The following KRT86 variants were observed in gnomAD, a reference collection of about 807,000 sequenced individuals.
KRT86 encodes keratin, type II cuticular Hb6.
A neutral mutation model predicts 41.2 loss-of-function variants in KRT86; 30 were observed. The observed-to-expected ratio is 0.73, with a 90% CI of 0.54 to 0.99. The LOEUF (loss-of-function observed/expected upper bound fraction) is 0.99, where lower values mean the gene tolerates loss of function less well. Ranked by LOEUF, KRT86 falls within the 50% of genes least tolerant of loss-of-function variation. KRT86 has a pLI of 0.00. For missense variants in KRT86, 561 were observed against 571.4 expected (o/e 0.98, Z 0.19); for synonymous variants, 238 against 238.1 (o/e 1.00, Z 0.00).
At chr12:52,299,420 T>A (rs532824453) in intron 2 of KRT86, among the ~76,000 whole-genome samples, 13 of 152,320 alleles carry the variant, frequency 8.5e-5, no homozygotes, top group African/African-American at 3.1e-4. Flanking sequence ...AGTGCAGACA[T>A]CTCTTTGATA....
At chr12:52,308,361 C>T in intron 10 of KRT86, 43 bp from the exon 11 acceptor site, 1 of 1,611,552 alleles carries the variant, frequency 6.2e-7, no homozygotes, top group East Asian at 2.2e-5. Context: ...TCACCCAGGT[C>T]GCGGCTGCGC....
rs773093741 is a variant in KRT86 at position 52,302,064 on chromosome 12, G to T, written c.148G>T (p.Val50Leu). 1 of 1,603,938 alleles carries T rather than the reference G, an allele frequency of 6.2e-7. No individual in the cohort carries two copies. Among genetic ancestry groups the T allele is most frequent in the East Asian group, 2.2e-5 (1 of 44,494 alleles). ...CACCGGGGGCTTCGGCAGCCACAGCGTGTGCGGAGGCTTTCGGGCCGGCTC... is the reference window on the plus strand; with the variant it reads ...CACCGGGGGCTTCGGCAGCCACAGCTTGTGCGGAGGCTTTCGGGCCGGCTC... ...GLTGGFGSHS[V>L]CGGFRAGSCG... is the part of the protein sequence containing the mutation. The change falls in exon 3 of 11, where the codon GTG (valine) becomes TTG (leucine). Residue 50 changes from valine (V) to leucine (L), a missense_variant. Physicochemically the swap from Val to Leu is conservative, Grantham distance 32 (BLOSUM62 1). This residue lies in a region of KRT86 where 164 missense variants were observed against 172.5 expected (regional missense o/e 0.95). Transcript: ENST00000423955.
chr12:52,277,020 C>A (rs1043618700), intron 2 of KRT86, among the ~76,000 whole-genome samples: 2 of 152,164 alleles, frequency 1.3e-5, no homozygotes, highest in Non-Finnish European at 2.9e-5. Flanking sequence ...CCATCATGGT[C>A]AGGGTCCCAC....
intron 2 of KRT86, among the ~76,000 whole-genome samples, chr12:52,299,559 C>T (rs1432263908): frequency 6.6e-6 from 1 of 152,220 alleles, no homozygotes. Flanking sequence ...TTACATCCCA[C>T]TAGCAGTGTA....
intron 2 of KRT86, among the ~76,000 whole-genome samples, chr12:52,293,772 G>A (rs1938189428): frequency 6.6e-6 from 1 of 152,108 alleles, no homozygotes; most frequent in Non-Finnish European, 1.5e-5. Flanking sequence ...AATAGAGCAG[G>A]TCCTAGAAAA....
intron 2 of KRT86, chr12:52,286,379 G>A (rs1160107058): frequency 1.9e-6 from 3 of 1,555,422 alleles, no homozygotes; most frequent in Non-Finnish European, 2.6e-6. Flanking sequence ...ACACAGGCCG[G>A]TGCTCACCGC....
chr12:52,308,381 G>T, intron 10 of KRT86, 23 bp from the exon 11 acceptor site: 2 of 1,610,978 alleles, frequency 1.2e-6, no homozygotes, highest in South Asian at 1.1e-5. Context: ...CCTGACGCGC[G>T]CCTCCGTCTC....
intron 2 of KRT86, 198 bp from the exon 3 acceptor site, chr12:52,301,715 T>G (rs1938380716): frequency 1.0e-6 from 1 of 972,302 alleles, no homozygotes; most frequent in East Asian, 2.6e-5. Flanking sequence ...ACCAATTAAG[T>G]ACATTAAGTG....
At chr12:52,301,763 C>A in intron 2 of KRT86, 150 bp from the exon 3 acceptor site, 1 of 1,504,058 alleles carries the variant, frequency 6.6e-7, no homozygotes, top group South Asian at 1.2e-5. Flanking sequence ...GCCCATAAAG[C>A]CTTCTAATTG....
At chr12:52,293,802 A>T (rs1257589032) in intron 2 of KRT86, among the ~76,000 whole-genome samples, 2 of 152,112 alleles carry the variant, frequency 1.3e-5, no homozygotes, top group Non-Finnish European at 1.5e-5. Flanking sequence ...TAAAGTACAG[A>T]GGTTTGCATT....
intron 2 of KRT86, among the ~76,000 whole-genome samples, chr12:52,292,380 T>C (rs1311813595): frequency 1.3e-5 from 2 of 152,236 alleles, no homozygotes; most frequent in Non-Finnish European, 2.9e-5. Context: ...TCATCTCAGA[T>C]TCAATTTTCC....
At position 52,308,081 on chromosome 12, in the gene KRT86, C is replaced by T. The variant is rs113195033; in HGVS notation, c.1248-152C>T. On this transcript the variant is annotated intron_variant, in intron 9 of 10. Transcript: ENST00000423955. ...CTGTCTCCAGACCCTCACGGTGACCCGAGTCTACACTGGCTCCTGGCCGAG... is the reference window on the plus strand; with the variant it reads ...CTGTCTCCAGACCCTCACGGTGACCTGAGTCTACACTGGCTCCTGGCCGAG... 20,575 of 924,400 alleles carry T rather than the reference C, an allele frequency of 0.022. 293 individuals are homozygous for T. The highest frequency in any genetic ancestry group is 0.032 in the Middle Eastern group (97 of 3,068). The allele number at this position is 924,400 out of a possible 1,614,324, so 57.3% of individuals were successfully genotyped here.
intron 2 of KRT86, among the ~76,000 whole-genome samples, chr12:52,296,896 C>T (rs1267510555): frequency 3.3e-5 from 5 of 152,256 alleles, no homozygotes; most frequent in African/African-American, 1.2e-4. Context: ...GTAGAGCCTA[C>T]AGGCTGCCTT....
intron 2 of KRT86, among the ~76,000 whole-genome samples, chr12:52,285,262 C>A (rs1293574606): frequency 6.6e-6 from 1 of 152,050 alleles, no homozygotes; most frequent in Non-Finnish European, 1.5e-5. Flanking sequence ...GAGTCCGTGT[C>A]CCCCCTCTAT....
chr12:52,281,869 G>T (rs1468313526), intron 2 of KRT86, among the ~76,000 whole-genome samples: 1 of 152,102 alleles, frequency 6.6e-6, no homozygotes, highest in Admixed American at 6.5e-5. Context: ...CTCCTCAGTA[G>T]CTGGGACTAC....
At chr12:52,288,775 C>A (rs1401780193) in intron 2 of KRT86, among the ~76,000 whole-genome samples, 2 of 152,096 alleles carry the variant, frequency 1.3e-5, no homozygotes, top group East Asian at 3.9e-4. Context: ...TTTCCTGTCC[C>A]CCACAAGTGC....
At chr12:52,274,802 C>A in intron 1 of KRT86, 80 bp downstream of exon 1, 1 of 909,932 alleles carries the variant, frequency 1.1e-6, no homozygotes, top group Non-Finnish European at 1.3e-6. Flanking sequence ...GGGCATACAG[C>A]TTTTGGGAAC....
At chr12:52,282,897 T>C (rs1937809263) in intron 2 of KRT86, among the ~76,000 whole-genome samples, 1 of 152,104 alleles carries the variant, frequency 6.6e-6, no homozygotes, top group Non-Finnish European at 1.5e-5. Flanking sequence ...ACCCTCACCA[T>C]CTCTCTCACA....
chr12:52,308,444 C>T lies in KRT86; in HGVS notation c.1320C>T (p.Leu440=). The change falls in exon 11 of 11, where the codon CTC becomes CTT. Residue 440 remains leucine, a synonymous_variant. Transcript: ENST00000423955. The part of the protein sequence containing the change: ...SSRGGVVCGD[L]CASTTAPVVS... Reference sequence around the variant, plus strand: ...GCGGTGGCGTTGTCTGTGGCGATCTCTGCGCCTCCACTACTGCCCCTGTTG... The same window carrying T: ...GCGGTGGCGTTGTCTGTGGCGATCTTTGCGCCTCCACTACTGCCCCTGTTG... The T allele has an allele frequency of 1.2e-6, 2 of 1,612,030 alleles. No individual in the cohort carries two copies. Among genetic ancestry groups the T allele is most frequent in the Non-Finnish European group, 1.7e-6 (2 of 1,179,820 alleles).
Sources: gnomAD v4.1 joint callset for allele counts (sites outside exome capture counted in the v4.1 genomes callset) on GRCh38, gnomAD v4.1.1 for gene constraint, gnomAD v4.1.1 regional missense constraint, MANE v1.5 for transcripts, NCBI Gene and HGNC (gene_info 2026-07-23, HGNC 2026-07-21) for gene names.